FSIP1: variants seen among roughly 807,000 people sequenced by gnomAD.
FSIP1 encodes the protein fibrous sheath-interacting protein 1.
FSIP1 carries 65 observed loss-of-function variants against 60.9 expected under a neutral mutation model. That is an observed-to-expected ratio of 1.07 (90% CI 0.87 to 1.31). FSIP1 has a LOEUF of 1.31. Among genes scored for constraint, FSIP1 ranks in the 40% most tolerant of loss-of-function variants. The pLI, the probability that FSIP1 is intolerant of heterozygous loss-of-function variation, is 0.00. For synonymous variants in FSIP1, 209 were observed against 221.2 expected, an observed-to-expected ratio of 0.94 and a Z score of 0.49; for missense variants, 675 against 665.5, an observed-to-expected ratio of 1.01 and a Z score of -0.16.
chr15:39,702,482 G>A (rs781040502), intron 10 of FSIP1, among the ~76,000 whole-genome samples: 5 of 52,782 alleles, frequency 9.5e-5, no homozygotes, highest in Admixed American at 5.2e-4. Context: ...TCCCAAGCAC[G>A]GTCTCCCTTA....
chr15:39,599,380 G>C (rs777567092), downstream of FSIP1: 1 of 152,020 alleles, frequency 6.6e-6, no homozygotes, highest in African/African-American at 2.4e-5. Flanking sequence ...CTAAATAACA[G>C]AAAGGCTCAC....
chr15:39,716,420 C>T (rs1256908180), intron 9 of FSIP1, among the ~76,000 whole-genome samples: 1 of 152,148 alleles, frequency 6.6e-6, no homozygotes, highest in Non-Finnish European at 1.5e-5. Flanking sequence ...AATGAACAAA[C>T]CACCAACTGA....
chr15:39,702,742 A>C (rs1003227985), intron 10 of FSIP1, among the ~76,000 whole-genome samples: 1 of 151,538 alleles, frequency 6.6e-6, no homozygotes, highest in African/African-American at 2.4e-5. Flanking sequence ...TTATATAATT[A>C]TACTTAATTA....
At chr15:39,669,905 T>C (rs1162778202) in intron 10 of FSIP1, among the ~76,000 whole-genome samples, 2 of 152,238 alleles carry the variant, frequency 1.3e-5, no homozygotes, top group Non-Finnish European at 2.9e-5. Flanking sequence ...CAAAGCTTTA[T>C]ACAACTAGTG....
intron 2 of FSIP1, among the ~76,000 whole-genome samples, chr15:39,773,567 C>A (rs1897957667): frequency 6.6e-6 from 1 of 152,122 alleles, no homozygotes; most frequent in Admixed American, 6.5e-5. Context: ...CATGAAGTTG[C>A]TGCTTAAAAA....
chr15:39,681,666 G>A (rs935618405), intron 10 of FSIP1, among the ~76,000 whole-genome samples: 2 of 152,084 alleles, frequency 1.3e-5, no homozygotes, highest in Admixed American at 6.5e-5. Context: ...GGAGAGTTAA[G>A]TGAAAAAAAT....
chr15:39,732,646 G>A (rs1157597174), intron 8 of FSIP1, among the ~76,000 whole-genome samples: 1 of 146,534 alleles, frequency 6.8e-6, no homozygotes, highest in Non-Finnish European at 1.5e-5. Context: ...AAAAAATTAT[G>A]CATGCTACTA....
intron 10 of FSIP1, among the ~76,000 whole-genome samples, chr15:39,635,770 T>C (rs1892109440): frequency 6.6e-6 from 1 of 152,188 alleles, no homozygotes; most frequent in Admixed American, 6.5e-5. Context: ...CTGCCTATTA[T>C]GGAAGCCATG....
chr15:39,685,163 G>A (rs1330158536), intron 10 of FSIP1, among the ~76,000 whole-genome samples: 1 of 152,126 alleles, frequency 6.6e-6, no homozygotes, highest in East Asian at 1.9e-4. Context: ...GCATCTTTAG[G>A]GAAAGTTTTT....
intron 5 of FSIP1, among the ~76,000 whole-genome samples, chr15:39,751,066 A>G (rs888033310): frequency 3.9e-5 from 6 of 151,994 alleles, no homozygotes; most frequent in Non-Finnish European, 5.9e-5. Context: ...AATCAACCCT[A>G]CTGTGAGATA....
intron 10 of FSIP1, among the ~76,000 whole-genome samples, chr15:39,684,143 A>G (rs559408287): frequency 6.6e-6 from 1 of 152,348 alleles, no homozygotes; most frequent in East Asian, 1.9e-4. Context: ...AATTTTGATA[A>G]AGGAAAAATA....
chr15:39,734,017 G>A (rs1896517019), intron 8 of FSIP1, among the ~76,000 whole-genome samples: 1 of 152,170 alleles, frequency 6.6e-6, no homozygotes, highest in African/African-American at 2.4e-5. Context: ...ATAATTTTCT[G>A]AGCTGAAGGA....
At chr15:39,668,631 G>T (rs560054036) in intron 10 of FSIP1, among the ~76,000 whole-genome samples, 1 of 152,156 alleles carries the variant, frequency 6.6e-6, no homozygotes, top group African/African-American at 2.4e-5. Flanking sequence ...TTTATTGCCA[G>T]ATCAGCTCCC....
intron 5 of FSIP1, among the ~76,000 whole-genome samples, chr15:39,755,644 G>T (rs79153391): frequency 0.016 from 2,426 of 152,200 alleles, 82 homozygotes; most frequent in African/African-American, 0.055. Flanking sequence ...GAGACTACCA[G>T]ATTTTCTTTG....
At chr15:39,703,754 TAATA>T (rs764152462) in intron 10 of FSIP1, among the ~76,000 whole-genome samples, 269 of 152,178 alleles carry the variant, frequency 1.8e-3, no homozygotes, top group Non-Finnish European at 3.1e-3. Flanking sequence ...TTTTAAAAAA[TAATA>T]AATAAATAAA....
Position 39,600,883 on chromosome 15 carries a change from G to A in FSIP1, c.1743C>T (p.Pro581=). 2.5e-6 allele frequency: 4 copies of A among 1,607,594 alleles called. No individual in the cohort carries two copies. The highest frequency in any genetic ancestry group is 1.7e-6 in the Non-Finnish European group (2 of 1,177,676). The change falls in exon 12 of 12, where the codon CCC becomes CCT. Residue 581 remains proline (P), a synonymous_variant. Transcript: ENST00000350221. ...TKDAAEECKE[P] is the part of the protein sequence containing the mutation. ...AGCACACCCAGCAAGTCCTTGATTA[G>A]GGTTCTTTACATTCTTCTGCTGCAT...
chr15:39,601,191 G>A (rs1186580995), intron 11 of FSIP1, among the ~76,000 whole-genome samples: 1 of 152,200 alleles, frequency 6.6e-6, no homozygotes, highest in Non-Finnish European at 1.5e-5. Flanking sequence ...TGGATGTGGA[G>A]ACACACACAG....
intron 10 of FSIP1, among the ~76,000 whole-genome samples, chr15:39,710,020 T>A (rs1285027822): frequency 6.6e-6 from 1 of 152,100 alleles, no homozygotes; most frequent in African/African-American, 2.4e-5. Flanking sequence ...AGGACTCAGG[T>A]CTCCAGATTC....
At chr15:39,762,175 C>T (rs773431190) in intron 5 of FSIP1, among the ~76,000 whole-genome samples, 1 of 152,224 alleles carries the variant, frequency 6.6e-6, no homozygotes, top group Non-Finnish European at 1.5e-5. Flanking sequence ...CAATTTATCA[C>T]AGGCTGGGTG....
Sources: gnomAD v4.1 joint callset for allele counts (sites outside exome capture counted in the v4.1 genomes callset) on GRCh38, gnomAD v4.1.1 for gene constraint, MANE v1.5 for transcripts, NCBI Gene and HGNC (gene_info 2026-07-23, HGNC 2026-07-21) for gene names.